PTPRD: variants seen among roughly 807,000 people sequenced by gnomAD.
PTPRD encodes the protein protein tyrosine phosphatase receptor type D.
PTPRD carries 34 observed loss-of-function variants against 214.5 expected under a neutral mutation model. The observed-to-expected ratio is 0.16, with a 90% CI of 0.12 to 0.21. The LOEUF (loss-of-function observed/expected upper bound fraction) is 0.21. Ranked by LOEUF, PTPRD falls within the 10% of genes least tolerant of loss-of-function variation. PTPRD has a pLI of 1.00. For synonymous variants in PTPRD, 1,128 were observed against 845.7 expected (o/e 1.33, Z -5.79); for missense variants, 2,545 against 2,398.7 (o/e 1.06, Z -1.27).
At chr9:9,891,210 C>G (rs1393052346) in intron 5 of PTPRD, among the ~76,000 whole-genome samples, 1 of 152,084 alleles carries the variant, frequency 6.6e-6, no homozygotes, top group Admixed American at 6.6e-5. Flanking sequence ...TCCCATCCAA[C>G]TCAGATTTAA....
At chr9:9,426,741 C>T (rs191028116) in intron 8 of PTPRD, among the ~76,000 whole-genome samples, 4 of 152,234 alleles carry the variant, frequency 2.6e-5, no homozygotes, top group African/African-American at 4.8e-5. Context: ...CAACATTTGC[C>T]GTTCTGCAAT....
intron 11 of PTPRD, among the ~76,000 whole-genome samples, chr9:8,928,383 G>A (rs2098919267): frequency 6.6e-6 from 1 of 152,086 alleles, no homozygotes; most frequent in Admixed American, 6.6e-5. Flanking sequence ...TTTTGTATAA[G>A]GTGTAAGGAA....
chr9:8,549,502 G>C (rs757143802), intron 14 of PTPRD, among the ~76,000 whole-genome samples: 2 of 152,286 alleles, frequency 1.3e-5, no homozygotes, highest in African/African-American at 2.4e-5. Context: ...AATGTTCCAA[G>C]TATGTTTTCC....
chr9:9,749,345 T>C (rs1391854662), intron 6 of PTPRD, among the ~76,000 whole-genome samples: 10 of 152,162 alleles, frequency 6.6e-5, no homozygotes, highest in Non-Finnish European at 1.3e-4. Flanking sequence ...CCCATGCCTT[T>C]ATAACCACGT....
intron 8 of PTPRD, among the ~76,000 whole-genome samples, chr9:9,435,399 C>A (rs969669405): frequency 8.9e-6 from 1 of 112,404 alleles, no homozygotes; most frequent in Non-Finnish European, 1.9e-5. Flanking sequence ...TGGCATGTGC[C>A]TGCAGACCCA....
At chr9:9,867,042 C>T (rs2064145439) in intron 5 of PTPRD, among the ~76,000 whole-genome samples, 1 of 152,046 alleles carries the variant, frequency 6.6e-6, no homozygotes, top group African/African-American at 2.4e-5. Flanking sequence ...GAAGTTTTCT[C>T]TATATAGACT....
chr9:10,018,922 C>G, intron 4 of PTPRD, among the ~76,000 whole-genome samples: 1 of 152,078 alleles, frequency 6.6e-6, no homozygotes, highest in East Asian at 1.9e-4. Flanking sequence ...AAAATATTTA[C>G]AAATGGGATC....
At chr9:9,787,758 A>C (rs531472030) in intron 5 of PTPRD, among the ~76,000 whole-genome samples, 1 of 144,984 alleles carries the variant, frequency 6.9e-6, no homozygotes, top group African/African-American at 2.5e-5. Flanking sequence ...TGAACAACGT[A>C]TATCAATTTT....
At chr9:8,970,910 C>T (rs1567316278) in intron 11 of PTPRD, among the ~76,000 whole-genome samples, 1 of 7,176 alleles carries the variant, frequency 1.4e-4, no homozygotes, top group African/African-American at 2.8e-4. Flanking sequence ...CAAAACAAAA[C>T]AAAACAAAAC....
At chr9:10,539,782 T>C (rs1338416086) in intron 2 of PTPRD, among the ~76,000 whole-genome samples, 1 of 152,174 alleles carries the variant, frequency 6.6e-6, no homozygotes, top group African/African-American at 2.4e-5. Context: ...GCGGACCTCC[T>C]TTCCCAGATA....
chr9:9,895,362 G>C (rs946888628), intron 5 of PTPRD, among the ~76,000 whole-genome samples: 3 of 149,344 alleles, frequency 2.0e-5, no homozygotes, highest in Non-Finnish European at 4.4e-5. Flanking sequence ...AAGAGATGGA[G>C]ATAAGCCATG....
chr9:9,277,578 T>C (rs1233975101), intron 9 of PTPRD, among the ~76,000 whole-genome samples: 1 of 151,374 alleles, frequency 6.6e-6, no homozygotes, highest in African/African-American at 2.4e-5. Context: ...ATTTTGTTGC[T>C]TTATTTATTA....
At chr9:9,205,433 T>C (rs2099944242) in intron 9 of PTPRD, among the ~76,000 whole-genome samples, 1 of 152,126 alleles carries the variant, frequency 6.6e-6, no homozygotes, top group Non-Finnish European at 1.5e-5. Flanking sequence ...TGGTAATGCG[T>C]TGCTTAGGTT....
At chr9:10,514,849 T>C (rs2049485521) in intron 2 of PTPRD, among the ~76,000 whole-genome samples, 1 of 152,040 alleles carries the variant, frequency 6.6e-6, no homozygotes, top group African/African-American at 2.4e-5. Flanking sequence ...ACTAGAAACA[T>C]ACATGTTTAC....
intron 10 of PTPRD, among the ~76,000 whole-genome samples, chr9:9,068,940 G>C (rs2099739746): frequency 6.6e-6 from 1 of 152,012 alleles, no homozygotes; most frequent in Admixed American, 6.6e-5. Context: ...AAAATATTTG[G>C]ACATCTGAAA....
In PTPRD at chr9:9,116,161, C is replaced by T. The variant is rs1278114670; in HGVS notation, c.-143+67143G>A. Among the ~76,000 whole-genome samples the T allele has an allele frequency of 2.6e-5, 4 of 151,932 alleles. 1 individual carries two copies. Among genetic ancestry groups the T allele is most frequent in the South Asian group, 2.1e-4 (1 of 4,828 alleles). On this transcript the variant is annotated intron_variant, in intron 10 of 45. Transcript: ENST00000381196. ...TCATATCTGAAACCTCAACATCACA[C>T]AATATACTCACGTAACAAACTGCTC...
intron 6 of PTPRD, among the ~76,000 whole-genome samples, chr9:9,760,800 A>C (rs138851084): frequency 3.9e-5 from 6 of 152,314 alleles, no homozygotes; most frequent in African/African-American, 1.4e-4. Context: ...AAGACGTTCA[A>C]CATCAATAGC....
chr9:9,892,544 G>A (rs1472333113), intron 5 of PTPRD, among the ~76,000 whole-genome samples: 1 of 152,052 alleles, frequency 6.6e-6, no homozygotes, highest in Non-Finnish European at 1.5e-5. Flanking sequence ...AATGATGTTG[G>A]CTTACTAGTA....
chr9:10,237,807 G>A (rs2099633891), intron 3 of PTPRD, among the ~76,000 whole-genome samples: 1 of 151,880 alleles, frequency 6.6e-6, no homozygotes, highest in South Asian at 2.1e-4. Flanking sequence ...CCATCATTAT[G>A]AGTATAGTGT....
Sources: allele counts gnomAD v4.1 joint callset (sites outside exome capture counted in the v4.1 genomes callset), GRCh38; gene constraint gnomAD v4.1.1; transcripts MANE v1.5; gene names NCBI Gene and HGNC (gene_info 2026-07-23, HGNC 2026-07-21).